Variants in CCDC180 observed in about 807,000 individuals in gnomAD.
CCDC180 encodes the protein coiled-coil domain containing 180, also known as coiled-coil domain-containing protein 180.
A neutral mutation model predicts 209.2 loss-of-function variants in CCDC180; 154 were observed. The ratio of observed to expected loss-of-function variants is 0.74; its 90% confidence interval spans 0.65 to 0.84. The LOEUF (loss-of-function observed/expected upper bound fraction) is 0.84, where lower values mean the gene tolerates loss of function less well. Ranked by LOEUF, CCDC180 falls within the 40% of genes least tolerant of loss-of-function variation. The pLI is 0.00. For missense variants in CCDC180, 1,874 were observed against 1,997.3 expected, an observed-to-expected ratio of 0.94 and a Z score of 1.18; for synonymous variants, 778 against 749.1, an observed-to-expected ratio of 1.04 and a Z score of -0.63.
rs141924891 is a variant in CCDC180 at position 97,308,106 on chromosome 9, G to A, written c.43G>A (p.Ala15Thr). The change falls in exon 2 of 37, where the codon GCC (alanine) becomes ACC (threonine). Residue 15 changes from alanine to threonine, a missense_variant. Physicochemically the swap from Ala to Thr is moderately conservative, Grantham distance 58 (BLOSUM62 0). Coordinates refer to ENST00000529487, the MANE Select transcript of CCDC180 (RefSeq NM_020893.6). ...GKVTQVPNGK[A>T]YQQIFQAEVQ... ...GGTGACCCAGGTTCCGAATGGGAAA[G>A]CCTACCAGCAGATCTTCCAGGCTGA... is the stretch of plus-strand genomic sequence containing the variant. 5.3e-5 allele frequency: 86 copies of A among 1,610,042 alleles called. No homozygotes were observed. The highest frequency in any genetic ancestry group is 7.0e-5 in the Non-Finnish European group (82 of 1,178,140).
At chr9:97,308,193 TC>T (rs1832862060) in intron 2 of CCDC180, 61 bp downstream of exon 2, 8 of 1,446,986 alleles carry the variant, frequency 5.5e-6, no homozygotes, top group Non-Finnish European at 6.4e-6. Flanking sequence ...CTTCCAAACT[TC>T]CCTCCCTCCC....
In CCDC180 at chr9:97,366,362, T is replaced by C. The variant is rs1123379; in HGVS notation, c.4048-197T>C. 0.21 allele frequency among the ~76,000 whole-genome samples: 32,514 copies of C among 152,090 alleles called. 3,717 individuals carry two copies. The highest frequency in any genetic ancestry group is 0.4 in the East Asian group (2,046 of 5,170). ...GGAAATAACGAGGGCTGGCCATGGCTCCACTCACTCCAGGTGGGCCCAGGG... is the reference window on the plus strand; with the variant it reads ...GGAAATAACGAGGGCTGGCCATGGCCCCACTCACTCCAGGTGGGCCCAGGG... On this transcript the variant is annotated intron_variant, in intron 30 of 36. Coordinates refer to ENST00000529487, the MANE Select transcript of CCDC180 (RefSeq NM_020893.6). The surrounding 1 kb of genome is among the most constrained non-coding windows in gnomAD (Gnocchi z 4.3).
chr9:97,358,565 G>C (rs1231006461), intron 25 of CCDC180, among the ~76,000 whole-genome samples: 1 of 152,158 alleles, frequency 6.6e-6, no homozygotes, highest in Non-Finnish European at 1.5e-5. Context: ...GGTTGTCTAT[G>C]TGCTGCTTTT....
chr9:97,313,735 C>T (rs930206966), intron 5 of CCDC180, among the ~76,000 whole-genome samples: 11 of 152,220 alleles, frequency 7.2e-5, no homozygotes. Flanking sequence ...GATAGCCCAG[C>T]TCTGCTGGGC....
At chr9:97,315,368 A>G (rs186716297) in intron 8 of CCDC180, among the ~76,000 whole-genome samples, 6 of 152,030 alleles carry the variant, frequency 3.9e-5, no homozygotes, top group Non-Finnish European at 7.4e-5. Context: ...TCTGCCTGCT[A>G]TGTCTGGCTT....
intron 5 of CCDC180, 78 bp from the exon 6 acceptor site, chr9:97,314,315 C>A: frequency 6.4e-7 from 1 of 1,551,936 alleles, no homozygotes; most frequent in Non-Finnish European, 8.9e-7. Flanking sequence ...ATGCCTGGCA[C>A]TTCCCCCATG....
chr9:97,324,110 G>T (rs1833447621), intron 13 of CCDC180, among the ~76,000 whole-genome samples: 1 of 152,166 alleles, frequency 6.6e-6, no homozygotes, highest in Non-Finnish European at 1.5e-5. Flanking sequence ...ACTGACATGG[G>T]TGCTGCGCAG....
chr9:97,342,111 C>T (rs990379015), intron 18 of CCDC180, among the ~76,000 whole-genome samples: 2 of 152,206 alleles, frequency 1.3e-5, no homozygotes, highest in Non-Finnish European at 2.9e-5. Flanking sequence ...AAGGGAAATC[C>T]CCCGACCCCT....
chr9:97,317,156 G>T lies in CCDC180; in HGVS notation c.887G>T (p.Ser296Ile), dbSNP rs747808520. ...TCCACCCTGCAGCAGGAGCTGGACA[G>T]CCGCCACCGCTGGCAAGGCTTGGTG... ...MESTLQQELD[S>I]RHRWQGLVDT... Residue 296 changes from serine to isoleucine, a missense_variant, in exon 9 of 37, where the codon AGC becomes ATC. Ser to Ile is a moderately radical substitution (Grantham distance 142). Transcript: ENST00000529487. The T allele has an allele frequency of 6.2e-7, 1 of 1,613,206 alleles. No individual in the cohort carries two copies. Among genetic ancestry groups the T allele is most frequent in the East Asian group, 2.2e-5 (1 of 44,876 alleles).
intron 18 of CCDC180, among the ~76,000 whole-genome samples, chr9:97,341,906 G>A (rs945126884): frequency 2.0e-5 from 3 of 152,178 alleles, no homozygotes; most frequent in Admixed American, 1.3e-4. Flanking sequence ...CCCTCCCCCA[G>A]CCAGGCTTGC....
chr9:97,346,902 A>G (rs1314419102), intron 19 of CCDC180, among the ~76,000 whole-genome samples: 1 of 152,250 alleles, frequency 6.6e-6, no homozygotes, highest in South Asian at 2.1e-4. Context: ...ACATGAAAAT[A>G]TGCTCAGTCT....
chr9:97,327,174 CA>C (rs374767420), intron 15 of CCDC180, among the ~76,000 whole-genome samples: 5 of 150,214 alleles, frequency 3.3e-5, no homozygotes, highest in South Asian at 2.1e-4. Flanking sequence ...GTCTCAAAAA[CA>C]AAAAAAAATT....
In CCDC180 at chr9:97,314,860, G is replaced by A. The variant is rs763177962; in HGVS notation, c.709G>A (p.Val237Met). The A allele has an allele frequency of 1.4e-5, 23 of 1,613,680 alleles. No homozygotes were observed. Among genetic ancestry groups the A allele is most frequent in the Admixed American group, 6.7e-5 (4 of 60,004 alleles). Residue 237 changes from valine to methionine, a missense_variant, in exon 8 of 37, where the codon GTG (valine) becomes ATG (methionine). Val to Met is a conservative substitution (Grantham distance 21). Transcript: ENST00000529487. ...EFSRTDKLKS[V>M]LKKYAEVIEK... Reference sequence around the variant, plus strand: ...GCCTTGTCATTTCTAGCTAAAAAGCGTGTTGAAGAAATATGCAGAAGTCAT... The same window carrying A: ...GCCTTGTCATTTCTAGCTAAAAAGCATGTTGAAGAAATATGCAGAAGTCAT...
intron 28 of CCDC180, chr9:97,363,602 A>AT (rs756400774): frequency 2.1e-5 from 11 of 533,652 alleles, no homozygotes; most frequent in South Asian, 8.4e-5. Flanking sequence ...ATTTTTTAGC[A>AT]TAAGTATGTC....
At chr9:97,362,482 T>C (rs1826793161) in intron 28 of CCDC180, 41 bp downstream of exon 28, 2 of 1,590,760 alleles carry the variant, frequency 1.3e-6, no homozygotes, top group South Asian at 1.2e-5. Flanking sequence ...TCCCAGTCCA[T>C]CCCCCCACAC....
intron 32 of CCDC180, among the ~76,000 whole-genome samples, 174 bp from the exon 33 acceptor site, chr9:97,370,467 G>A (rs1480912345): frequency 2.6e-5 from 4 of 151,854 alleles, no homozygotes; most frequent in Non-Finnish European, 4.4e-5. Context: ...CCCCGAGTCA[G>A]CTCTAGCCAT....
chr9:97,341,044 T>C (rs1007854311), intron 18 of CCDC180, among the ~76,000 whole-genome samples: 7 of 152,226 alleles, frequency 4.6e-5, no homozygotes, highest in African/African-American at 1.2e-4. Flanking sequence ...GAAATAATGG[T>C]GTAAGCTGTC....
intron 14 of CCDC180, among the ~76,000 whole-genome samples, chr9:97,325,583 G>A (rs547324234): frequency 2.0e-5 from 3 of 152,324 alleles, no homozygotes; most frequent in South Asian, 4.1e-4. Context: ...GAGCTGCAAA[G>A]CTATTAAAGT....
chr9:97,367,250 T>C (rs1826949083), intron 31 of CCDC180, among the ~76,000 whole-genome samples: 1 of 152,226 alleles, frequency 6.6e-6, no homozygotes, highest in Non-Finnish European at 1.5e-5. Flanking sequence ...ATGTTGTAGA[T>C]GGTGCCAGTA....
Sources: gnomAD v4.1 joint callset for allele counts (sites outside exome capture counted in the v4.1 genomes callset) on GRCh38, gnomAD v4.1.1 for gene constraint, Gnocchi (gnomAD v3.1) non-coding constraint, MANE v1.5 for transcripts, NCBI Gene and HGNC (gene_info 2026-07-23, HGNC 2026-07-21) for gene names.